Variants in USP9Y observed in about 807,000 individuals in gnomAD.
USP9Y encodes the protein ubiquitin specific peptidase 9 Y-linked, also known as ubiquitin carboxyl-terminal hydrolase 9Y.
A neutral mutation model predicts 53.1 loss-of-function variants in USP9Y; 41 were observed. That is an observed-to-expected ratio of 0.77 (90% CI 0.60 to 1.00). The LOEUF (loss-of-function observed/expected upper bound fraction) is 1.00. USP9Y is among the 50% of genes least tolerant of loss of function. USP9Y has a pLI of 0.00. For missense variants in USP9Y, 567 were observed against 535.8 expected (o/e 1.06, Z -0.58); for synonymous variants, 220 against 173.7 (o/e 1.27, Z -2.09).
chrY:12,709,381 C>A lies in USP9Y; in HGVS notation c.-60-7C>A. On this transcript the variant is annotated splice_region_variant and splice_polypyrimidine_tract_variant and intron_variant, in intron 2 of 45. Transcript: ENST00000338981. ...TTCTATATGTGGACTATAATTTCTT[C>A]CCTTAGGATAACTACATAAAGAGAC... 1 of 249,649 alleles carries A rather than the reference C, an allele frequency of 4.0e-6. No individual in the cohort carries two copies. The highest frequency in any genetic ancestry group is 3.6e-5 in the South Asian group (1 of 27,822). The allele number at this position is 249,649 out of a possible 400,897, so 62.3% of individuals were successfully genotyped here. A position where few individuals can be genotyped will look rare whatever the true frequency, so the allele number is the denominator to read the frequency against.
At chrY:12,728,678 T>A (rs2053444802) in intron 7 of USP9Y, among the ~76,000 whole-genome samples, 1 of 32,894 alleles carries the variant, frequency 3.0e-5, no homozygotes, top group Non-Finnish European at 7.4e-5. Flanking sequence ...CTCAGATGGT[T>A]TTTTATTTCT....
At chrY:12,749,771 G>A (rs1168614801) in intron 12 of USP9Y, among the ~76,000 whole-genome samples, 1 of 33,870 alleles carries the variant, frequency 3.0e-5, no homozygotes, top group Non-Finnish European at 7.3e-5. Flanking sequence ...TATATCTGTC[G>A]TGAAACCAGA....
chrY:12,814,294 C>G, intron 31 of USP9Y, among the ~76,000 whole-genome samples: 1 of 29,907 alleles, frequency 3.3e-5, no homozygotes, highest in Non-Finnish European at 8.0e-5. Flanking sequence ...TTTGGGAGGC[C>G]GAGGCGGGCG....
At chrY:12,756,278 G>C in intron 12 of USP9Y, among the ~76,000 whole-genome samples, 1 of 33,059 alleles carries the variant, frequency 3.0e-5, no homozygotes, top group African/African-American at 1.2e-4. Flanking sequence ...TGCATGGGGA[G>C]TGAGTCATAG....
chrY:12,853,519 G>A (rs2053573145), intron 42 of USP9Y, among the ~76,000 whole-genome samples: 1 of 33,776 alleles, frequency 3.0e-5, no homozygotes, highest in East Asian at 7.9e-4. Flanking sequence ...GCCCTTCTTC[G>A]GATCACCCTC....
chrY:12,786,966 A>C, intron 24 of USP9Y, among the ~76,000 whole-genome samples, 166 bp downstream of exon 24: 1 of 33,282 alleles, frequency 3.0e-5, no homozygotes, highest in Admixed American at 2.8e-4. Flanking sequence ...TTTTTGATTA[A>C]GTTGTATTTA....
chrY:12,769,882 C>G (rs748821202), intron 15 of USP9Y, among the ~76,000 whole-genome samples: 1 of 32,569 alleles, frequency 3.1e-5, no homozygotes, highest in African/African-American at 1.2e-4. Flanking sequence ...CAACCTCTGC[C>G]TCCCATGTTC....
At chrY:12,821,820 A>G in intron 33 of USP9Y, among the ~76,000 whole-genome samples, 1 of 31,812 alleles carries the variant, frequency 3.1e-5, no homozygotes, top group Non-Finnish European at 7.6e-5. Flanking sequence ...ACCACAGCTG[A>G]TTTTTGTATT....
intron 39 of USP9Y, among the ~76,000 whole-genome samples, chrY:12,845,599 G>A (rs774603668): frequency 8.9e-5 from 3 of 33,734 alleles, no homozygotes; most frequent in African/African-American, 2.3e-4. Context: ...AACAAGCCAC[G>A]TAAGGGAATG....
intron 22 of USP9Y, among the ~76,000 whole-genome samples, chrY:12,782,530 A>G (rs765860918): frequency 1.5e-4 from 5 of 33,897 alleles, no homozygotes; most frequent in African/African-American, 5.7e-4. Context: ...AGTGGCTTAC[A>G]CTATTCAATA....
At chrY:12,841,910 AAG>A (rs2053561464) in intron 37 of USP9Y, among the ~76,000 whole-genome samples, 1 of 33,129 alleles carries the variant, frequency 3.0e-5, no homozygotes, top group Non-Finnish European at 7.4e-5. Flanking sequence ...TTAATTATAA[AAG>A]TACGGAATAC....
chrY:12,856,252 C>CA, intron 42 of USP9Y, 88 bp from the exon 43 acceptor site: 1 of 257,810 alleles, frequency 3.9e-6, no homozygotes, highest in Non-Finnish European at 6.1e-6. Flanking sequence ...ATGATTACAT[C>CA]AAAAAAGTAC....
In USP9Y at chrY:12,771,077, A is replaced by G; in HGVS notation, c.1910A>G (p.Asp637Gly). Residue 637 changes from aspartate to glycine, a missense_variant, in exon 16 of 46, where the codon GAC becomes GGC. Physicochemically the swap from Asp to Gly is moderately conservative, Grantham distance 94 (BLOSUM62 -1). Transcript: ENST00000338981. ...SIRLYAGDHE[D>G]YDPQTVRLGS... ...TTTGGTTTATTTGCAGATCATGAAG[A>G]CTATGATCCACAAACAGTGAGGCTT... The G allele has an allele frequency of 2.5e-6, 1 of 394,232 alleles. No homozygotes were observed. Among genetic ancestry groups the G allele is most frequent in the Middle Eastern group, 5.9e-4 (1 of 1,684 alleles).
Position 12,757,237 on chromosome Y carries a change from G to A in USP9Y, c.1468G>A (p.Glu490Lys), listed in dbSNP as rs1165478042. 1.0e-5 allele frequency: 4 copies of A among 398,964 alleles called. No individual in the cohort carries two copies. The South Asian group carries it at 1.2e-4, about 12-fold the overall frequency. The change falls in exon 13 of 46, where the codon GAG becomes AAG. Residue 490 changes from glutamate to lysine, a missense_variant. Physicochemically the swap from Glu to Lys is moderately conservative, Grantham distance 56 (BLOSUM62 1). Transcript: ENST00000338981. Reference protein sequence around the residue: ...ASKKQREKLLELIRRLAEDDK... With the variant: ...ASKKQREKLLKLIRRLAEDDK... ...TAAAAAGCAACGTGAAAAGCTCCTT[G>A]AGTTGATACGCCGTCTTGCAGAAGA... is the stretch of plus-strand genomic sequence containing the variant.
intron 33 of USP9Y, among the ~76,000 whole-genome samples, chrY:12,832,559 T>G (rs915788665): frequency 1.2e-4 from 4 of 33,773 alleles, no homozygotes; most frequent in Non-Finnish European, 2.9e-4. Context: ...TTTAATTTGC[T>G]GTCATACTTC....
At chrY:12,847,213 A>G in intron 41 of USP9Y, 26 bp from the exon 42 acceptor site, 1 of 381,781 alleles carries the variant, frequency 2.6e-6, no homozygotes, top group Non-Finnish European at 3.7e-6. Context: ...AAAATACATA[A>G]TTCACTATCT....
chrY:12,707,984 C>T (rs2053420996), intron 1 of USP9Y, among the ~76,000 whole-genome samples: 3 of 32,668 alleles, frequency 9.2e-5, no homozygotes, highest in East Asian at 7.9e-4. Flanking sequence ...GTGATCCGCC[C>T]GCCTCGGCCT....
intron 3 of USP9Y, among the ~76,000 whole-genome samples, chrY:12,714,831 T>C (rs1021932901): frequency 1.2e-4 from 4 of 32,569 alleles, no homozygotes; most frequent in Admixed American, 2.9e-4. Context: ...AACAGTTTTT[T>C]TGTCTTTTAG....
At chrY:12,781,389 A>G (rs1023824218) in intron 22 of USP9Y, among the ~76,000 whole-genome samples, 9 of 33,549 alleles carry the variant, frequency 2.7e-4, no homozygotes, top group African/African-American at 9.3e-4. Flanking sequence ...TTCAACATCA[A>G]CTGCTGCTAA....
Sources: gnomAD v4.1 joint callset for allele counts (sites outside exome capture counted in the v4.1 genomes callset) on GRCh38, gnomAD v4.1.1 for gene constraint, MANE v1.5 for transcripts, NCBI Gene and HGNC (gene_info 2026-07-23, HGNC 2026-07-21) for gene names.